The following SPMIP4 variants were observed in gnomAD, a reference collection of about 807,000 sequenced individuals.
The protein encoded by SPMIP4 is sperm microtubule inner protein 4.
At chr7:25,161,325 G>C in the SPMIP4 span, 1 of 842,212 alleles carries the variant, frequency 1.2e-6, no homozygotes, top group Non-Finnish European at 1.8e-6. Flanking sequence ...TGGTGAGATA[G>C]TAAAAGACAA....
chr7:25,135,860 C>T, the SPMIP4 span: 1 of 1,439,414 alleles, frequency 6.9e-7, no homozygotes, highest in Non-Finnish European at 9.1e-7. Flanking sequence ...ACCTCACTAA[C>T]AAGGTCCTTG....
chr7:25,166,699 C>T, the SPMIP4 span, among the ~76,000 whole-genome samples: 1 of 151,308 alleles, frequency 6.6e-6, no homozygotes, highest in Non-Finnish European at 1.5e-5. Flanking sequence ...CCTGCCTGAT[C>T]CACATGGAGA....
At chr7:25,127,259 C>T in the SPMIP4 span, among the ~76,000 whole-genome samples, 2 of 152,234 alleles carry the variant, frequency 1.3e-5, no homozygotes, top group East Asian at 1.9e-4. Context: ...GTCATTATCT[C>T]GCTGAATAAA....
chr7:25,154,849 C>T, the SPMIP4 span, among the ~76,000 whole-genome samples: 2 of 152,148 alleles, frequency 1.3e-5, no homozygotes, highest in African/African-American at 4.8e-5. Flanking sequence ...TCCATGGTGG[C>T]GCGCCAGCTG....
At chr7:25,170,851 T>C in the SPMIP4 span, among the ~76,000 whole-genome samples, 3 of 152,206 alleles carry the variant, frequency 2.0e-5, no homozygotes, top group Non-Finnish European at 4.4e-5. Flanking sequence ...TGGAGAGTAT[T>C]GTAAAGGAAT....
At chr7:25,159,006 C>T in the SPMIP4 span, among the ~76,000 whole-genome samples, 22 of 152,110 alleles carry the variant, frequency 1.4e-4, no homozygotes, top group Non-Finnish European at 2.4e-4. Flanking sequence ...ATTAATTTTT[C>T]CATCCATTTA....
chr7:25,171,153 C>T, the SPMIP4 span, among the ~76,000 whole-genome samples: 1 of 152,124 alleles, frequency 6.6e-6, no homozygotes, highest in Non-Finnish European at 1.5e-5. Flanking sequence ...AAGTCCCACC[C>T]CTTACAACAG....
chr7:25,135,594 TA>T, the SPMIP4 span: 2 of 874,874 alleles, frequency 2.3e-6, no homozygotes, highest in Admixed American at 1.2e-4. Context: ...AGTCATTCAT[TA>T]ATTATTGATC....
the SPMIP4 span, among the ~76,000 whole-genome samples, chr7:25,140,185 C>T: frequency 1.2e-4 from 18 of 152,094 alleles, no homozygotes; most frequent in Non-Finnish European, 2.4e-4. Flanking sequence ...TATTAAAAAC[C>T]CTTCAGTGAA....
At chr7:25,128,560 A>C in the SPMIP4 span, among the ~76,000 whole-genome samples, 6 of 152,124 alleles carry the variant, frequency 3.9e-5, no homozygotes, top group Non-Finnish European at 8.8e-5. The surrounding 1 kb of genome is among the most constrained non-coding windows in gnomAD (Gnocchi z 4.5). Context: ...GCTTGTGATA[A>C]ATGCTATTAG....
At chr7:25,130,309 CTTCT>C in the SPMIP4 span, among the ~76,000 whole-genome samples, 1 of 139,008 alleles carries the variant, frequency 7.2e-6, no homozygotes, top group Admixed American at 6.9e-5. Flanking sequence ...CTGGTTATCA[CTTCT>C]TTTTTTTTTT....
the SPMIP4 span, among the ~76,000 whole-genome samples, chr7:25,177,907 A>T: frequency 2.6e-5 from 4 of 152,224 alleles, no homozygotes; most frequent in African/African-American, 7.2e-5. Flanking sequence ...TTTGTCACCC[A>T]GGTGATAAGC....
chr7:25,141,036 C>G, the SPMIP4 span, among the ~76,000 whole-genome samples: 3 of 152,202 alleles, frequency 2.0e-5, no homozygotes, highest in Admixed American at 6.5e-5. Flanking sequence ...TAAAACAACA[C>G]ATATGCAAAC....
chr7:25,150,769 TCA>T, the SPMIP4 span, among the ~76,000 whole-genome samples: 2 of 152,174 alleles, frequency 1.3e-5, no homozygotes, highest in Non-Finnish European at 2.9e-5. Context: ...AAATTCTGAG[TCA>T]CAGTTTCCTT....
the SPMIP4 span, chr7:25,179,585 A>G: frequency 3.3e-6 from 1 of 301,438 alleles, no homozygotes. Flanking sequence ...GGTTCGTACC[A>G]GTCCGCTACT....
At chr7:25,150,993 T>C in the SPMIP4 span, among the ~76,000 whole-genome samples, 16 of 152,132 alleles carry the variant, frequency 1.1e-4, no homozygotes, top group African/African-American at 3.6e-4. Flanking sequence ...CTCTGCATAT[T>C]TGGAGTGACT....
chr7:25,158,503 T>C, the SPMIP4 span: 2 of 1,606,982 alleles, frequency 1.2e-6, no homozygotes, highest in East Asian at 2.2e-5. Flanking sequence ...TTACTTACCC[T>C]ACTGTTGAAT....
the SPMIP4 span, among the ~76,000 whole-genome samples, chr7:25,130,467 C>G: frequency 6.6e-6 from 1 of 151,854 alleles, no homozygotes; most frequent in Non-Finnish European, 1.5e-5. Context: ...TGTGTGCCAC[C>G]ATGCCCGGCT....
At chr7:25,129,814 G>A in the SPMIP4 span, among the ~76,000 whole-genome samples, 1 of 152,022 alleles carries the variant, frequency 6.6e-6, no homozygotes, top group Non-Finnish European at 1.5e-5. Flanking sequence ...GCCTAGAAAA[G>A]CCAATGCATT....
Sources: gnomAD v4.1 joint callset for allele counts (sites outside exome capture counted in the v4.1 genomes callset) on GRCh38, gnomAD v4.1.1 for gene constraint, Gnocchi (gnomAD v3.1) non-coding constraint, MANE v1.5 for transcripts, NCBI Gene and HGNC (gene_info 2026-07-23, HGNC 2026-07-21) for gene names.